DSC3: variants seen among roughly 807,000 people sequenced by gnomAD.
The protein encoded by DSC3 is desmocollin 3, also known as desmocollin-3.
Under a neutral mutation model 89.5 loss-of-function variants are expected in DSC3, and 97 were observed. The observed-to-expected ratio is 1.08, with a 90% CI of 0.92 to 1.28. The LOEUF (loss-of-function observed/expected upper bound fraction) is 1.28, where lower values mean the gene tolerates loss of function less well. DSC3 is among the 50% of genes most tolerant of loss of function. The pLI, the probability that DSC3 is intolerant of heterozygous loss-of-function variation, is 0.00. For missense variants in DSC3, 1,199 were observed against 1,085.3 expected (o/e 1.10, Z -1.47); for synonymous variants, 436 against 384.1 (o/e 1.14, Z -1.58).
At chr18:31,022,099 T>C (rs1439878257) in intron 7 of DSC3, among the ~76,000 whole-genome samples, 1 of 152,082 alleles carries the variant, frequency 6.6e-6, no homozygotes, top group Non-Finnish European at 1.5e-5. Context: ...TATAATGAAA[T>C]TTTTTCTTTT....
rs1567956284 is a variant in DSC3 at position 31,018,171 on chromosome 18, T to C, written c.1163A>G (p.Asn388Ser). 1.9e-6 allele frequency: 3 copies of C among 1,611,826 alleles called. No homozygotes were observed. Among genetic ancestry groups the C allele is most frequent in the African/African-American group, 1.3e-5 (1 of 74,862 alleles). ...TAAAATGGTAAAATTGACTCTCCAATTGGCAGTGTTAATTAAATCCTTATC... is the reference window on the plus strand; with the variant it reads ...TAAAATGGTAAAATTGACTCTCCAACTGGCAGTGTTAATTAAATCCTTATC... ...IEDKDLINTA[N>S]WRVNFTILKG... is the part of the protein sequence containing the mutation. Residue 388 changes from asparagine (N) to serine (S), a missense_variant, in exon 9 of 16, where the codon AAT (asparagine) becomes AGT (serine). Physicochemically the swap from Asn to Ser is conservative, Grantham distance 46 (BLOSUM62 1). Transcript: ENST00000360428.
At chr18:31,018,289 T>C in intron 8 of DSC3, 33 bp from the exon 9 acceptor site, 1 of 1,565,672 alleles carries the variant, frequency 6.4e-7, no homozygotes, top group Non-Finnish European at 8.7e-7. Flanking sequence ...AAAATTGAAA[T>C]TTTATTTTAT....
Position 31,008,021 on chromosome 18 carries a change from T to C in DSC3, c.1658A>G (p.Asp553Gly), listed in dbSNP as rs1027816701. The change falls in exon 11 of 16, where the codon GAC becomes GGC. Residue 553 changes from aspartate to glycine, a missense_variant. Physicochemically the swap from Asp to Gly is moderately conservative, Grantham distance 94. Transcript: ENST00000360428. ...ELYNITVLAIDKDDRSCTGTL... is the reference protein window; with the variant it reads ...ELYNITVLAIGKDDRSCTGTL... ...GATTAAAACTTTTTTTTTACCTTTG[T>C]CTATTGCCAGGACTGTAATATTATA... 3.7e-6 allele frequency: 6 copies of C among 1,612,556 alleles called. No homozygotes were observed. Among genetic ancestry groups the C allele is most frequent in the Non-Finnish European group, 5.1e-6 (6 of 1,179,086 alleles).
chr18:31,032,554 A>ATGTG lies in DSC3; in HGVS notation c.70-282_70-279dup, dbSNP rs936935279. Among the ~76,000 whole-genome samples the ATGTG allele has an allele frequency of 6.1e-3, 567 of 92,360 alleles. 5 individuals are homozygous for ATGTG. Among genetic ancestry groups the ATGTG allele is most frequent in the African/African-American group, 0.013 (365 of 28,000 alleles). 60.6% of individuals were successfully genotyped at this position (92,360 alleles called of 152,430 possible). On this transcript the variant is annotated intron_variant, in intron 1 of 15. Transcript: ENST00000360428. ...CTCTGCTCTAACTGCTTCTGTGTGT[A>ATGTG]TGTGTGTGTGTGTGTGTGTGTGTGT... is the stretch of plus-strand genomic sequence containing the variant.
intron 1 of DSC3, among the ~76,000 whole-genome samples, chr18:31,033,112 A>G (rs1598552253): frequency 6.6e-6 from 1 of 152,312 alleles, no homozygotes; most frequent in South Asian, 2.1e-4. Flanking sequence ...GTAATCAAAT[A>G]AGTATAATAT....
chr18:30,994,171 G>C lies in DSC3; in HGVS notation c.*4C>G. The C allele has an allele frequency of 1.2e-6, 2 of 1,613,006 alleles. No individual in the cohort carries two copies. The highest frequency in any genetic ancestry group is 1.1e-5 in the South Asian group (1 of 91,014). ...GACAAAGACCTAATTGTAGCACTGT[G>C]ACATTATCTCTTTGTGCATGCTTCT... On this transcript the variant is annotated 3_prime_UTR_variant, in exon 16 of 16. Coordinates refer to ENST00000360428, the MANE Select transcript of DSC3 (RefSeq NM_001941.5).
Position 31,022,521 on chromosome 18 carries a change from AAC to A in DSC3, c.776-21_776-20del. The A allele has an allele frequency of 1.2e-6, 2 of 1,613,760 alleles. No individual in the cohort carries two copies. The highest frequency in any genetic ancestry group is 1.3e-5 in the African/African-American group (1 of 75,022). On this transcript the variant is annotated intron_variant, in intron 6 of 15. Transcript: ENST00000360428. ...GTAGTACCTACACATTAAAAAATAA[AAC>A]AGCCTTTAATTTACAGAATTGTTAA...
intron 12 of DSC3, among the ~76,000 whole-genome samples, chr18:31,004,857 C>T (rs1369769332): frequency 6.6e-6 from 1 of 152,158 alleles, no homozygotes; most frequent in Non-Finnish European, 1.5e-5. Flanking sequence ...GTACCAGAAG[C>T]TAATTAATGT....
chr18:31,000,467 T>C (rs1025964707), intron 14 of DSC3, among the ~76,000 whole-genome samples: 6 of 152,186 alleles, frequency 3.9e-5, no homozygotes, highest in African/African-American at 7.2e-5. Context: ...CTCTCTCCTG[T>C]AGAAAAGCCT....
chr18:31,019,492 C>A (rs562654225), intron 7 of DSC3, among the ~76,000 whole-genome samples: 2 of 152,168 alleles, frequency 1.3e-5, no homozygotes, highest in Admixed American at 1.3e-4. Context: ...CTGCAGCAAT[C>A]ATCTAAAACA....
chr18:31,018,696 AT>A lies in DSC3; in HGVS notation c.1046del (p.Asn349MetfsTer16). 3 of 1,613,584 alleles carry A rather than the reference AT, an allele frequency of 1.9e-6. No individual in the cohort carries two copies. Among genetic ancestry groups the A allele is most frequent in the Non-Finnish European group, 2.5e-6 (3 of 1,179,918 alleles). On this transcript the variant is annotated frameshift_variant, in exon 8 of 16. Transcript: ENST00000360428. LOFTEE classifies it high-confidence loss of function. ...STCIITVTDS[N>X]DNAPTFRQNA... The stretch of plus-strand genomic sequence containing the variant: ...TTTGTCTGAAAGTGGGTGCATTATC[AT>A]TTGAATCTGTTACTGTTATGATACA...
intron 14 of DSC3, among the ~76,000 whole-genome samples, chr18:31,000,657 C>A (rs1984621304): frequency 6.6e-6 from 1 of 152,056 alleles, no homozygotes; most frequent in Non-Finnish European, 1.5e-5. Context: ...GCTAAATAGC[C>A]CCTAAACTTT....
chr18:31,004,879 C>G (rs1272229118), intron 12 of DSC3, among the ~76,000 whole-genome samples: 1 of 152,178 alleles, frequency 6.6e-6, no homozygotes, highest in Non-Finnish European at 1.5e-5. Context: ...ACTCAGGCTA[C>G]TTATAAGGCT....
chr18:30,995,971 T>TAAAAAAAAAAAAAAAAAAAAAAAAAA lies in DSC3; in HGVS notation c.2493+794_2493+819dup, dbSNP rs1196444633. ...TCAGCGACAGAGCAAGACCCTGCCTTAAAAAAAAAAAAAAAAAAAAAAAAA... is the reference window on the plus strand; with the variant it reads ...TCAGCGACAGAGCAAGACCCTGCCTTAAAAAAAAAAAAAAAAAAAAAAAAAAAAAAAAAAAAAAAAAAAAAAAAAAA... On this transcript the variant is annotated intron_variant, in intron 15 of 15. Transcript: ENST00000360428. Among the ~76,000 whole-genome samples, 54 of 37,020 alleles carry TAAAAAAAAAAAAAAAAAAAAAAAAAA rather than the reference T, an allele frequency of 1.5e-3. 4 individuals are homozygous for TAAAAAAAAAAAAAAAAAAAAAAAAAA. The highest frequency in any genetic ancestry group is 1.7e-3 in the African/African-American group (13 of 7,564). The allele number at this position is 37,020 out of a possible 152,430, so 24.3% of individuals were successfully genotyped here. A position where few individuals can be genotyped will look rare whatever the true frequency, so the allele number is the denominator to read the frequency against.
Position 31,008,458 on chromosome 18 carries a change from G to A in DSC3, c.1331C>T (p.Ala444Val). ...GGCTGTCACTCTGGGAATATCTCTA[G>A]CAAATGGCGCTTCATTGTTTACTCC... ...EIGVNNEAPF[A>V]RDIPRVTALN... Residue 444 changes from alanine to valine, a missense_variant, in exon 10 of 16, where the codon GCT (alanine) becomes GTT (valine). Physicochemically the swap from Ala to Val is moderately conservative, Grantham distance 64. Transcript: ENST00000360428. The A allele has an allele frequency of 6.2e-7, 1 of 1,614,144 alleles. No individual in the cohort carries two copies. Among genetic ancestry groups the A allele is most frequent in the Non-Finnish European group, 8.5e-7 (1 of 1,180,022 alleles).
Position 31,008,354 on chromosome 18 carries a change from G to A in DSC3, c.1435C>T (p.Arg479Trp), listed in dbSNP as rs752011632. The change falls in exon 10 of 16, where the codon CGG (arginine) becomes TGG (tryptophan). Residue 479 changes from arginine to tryptophan, a missense_variant. Physicochemically the swap from Arg to Trp is moderately radical, Grantham distance 101. Transcript: ENST00000360428. The stretch of plus-strand genomic sequence containing the variant: ...CCCACTGCTAAGTTTTCTTTAATCC[G>A]CACATATTGGGCTGCAGGAGTGCAT... ...PECTPAAQYV[R>W]IKENLAVGSK... is the part of the protein sequence containing the mutation. 1.3e-5 allele frequency: 21 copies of A among 1,613,788 alleles called. No homozygotes were observed. The highest frequency in any genetic ancestry group is 1.1e-4 in the East Asian group (5 of 44,868).
At chr18:31,011,934 A>G (rs546074958) in intron 9 of DSC3, among the ~76,000 whole-genome samples, 10,137 of 135,518 alleles carry the variant, frequency 0.075, 587 homozygotes, top group East Asian at 0.13. Flanking sequence ...AAAAAAAGAA[A>G]AAAAAAAAAA....
At chr18:31,022,627 A>T in intron 6 of DSC3, 125 bp from the exon 7 acceptor site, 1 of 1,169,132 alleles carries the variant, frequency 8.6e-7, no homozygotes, top group African/African-American at 1.5e-5. Context: ...ATTTATTACC[A>T]GAGTATTATT....
chr18:31,008,822 C>G (rs1336105566), intron 9 of DSC3, among the ~76,000 whole-genome samples: 1 of 152,146 alleles, frequency 6.6e-6, no homozygotes, highest in South Asian at 2.1e-4. Context: ...GTAATGCAAA[C>G]AGATGACAGT....
Sources: allele counts gnomAD v4.1 joint callset (sites outside exome capture counted in the v4.1 genomes callset), GRCh38; gene constraint gnomAD v4.1.1; transcripts MANE v1.5; gene names NCBI Gene and HGNC (gene_info 2026-07-23, HGNC 2026-07-21).